ZNF532: variants seen among roughly 807,000 people sequenced by gnomAD.
ZNF532 encodes the protein zinc finger protein 532.
In ZNF532, 22 loss-of-function variants were observed where a neutral mutation model predicts 89.3. That is an observed-to-expected ratio of 0.25 (90% CI 0.18 to 0.35). The LOEUF (loss-of-function observed/expected upper bound fraction) is 0.35, where lower values mean the gene tolerates loss of function less well. Among genes scored for constraint, ZNF532 ranks in the 10% least tolerant of loss-of-function variants. ZNF532 has a pLI of 1.00. For missense variants in ZNF532, 1,132 were observed against 1,643.4 expected (o/e 0.69, Z 5.38); for synonymous variants, 606 against 649.6 (o/e 0.93, Z 1.02).
chr18:58,964,989 T>G (rs890613334), intron 7 of ZNF532, among the ~76,000 whole-genome samples: 2 of 149,138 alleles, frequency 1.3e-5, no homozygotes, highest in African/African-American at 4.9e-5. Context: ...TAATACATAT[T>G]TCTTATACTA....
chr18:58,895,559 A>T (rs1435597547), intron 2 of ZNF532, among the ~76,000 whole-genome samples: 2 of 152,194 alleles, frequency 1.3e-5, no homozygotes, highest in African/African-American at 4.8e-5. Context: ...ACAGTGACGG[A>T]CGGGCCTGCC....
At chr18:58,872,200 T>C (rs2057041725) in intron 2 of ZNF532, among the ~76,000 whole-genome samples, 1 of 151,812 alleles carries the variant, frequency 6.6e-6, no homozygotes, top group Non-Finnish European at 1.5e-5. Context: ...CAAATGCAGA[T>C]TTTGTATTCT....
chr18:58,976,314 C>T (rs914800593), intron 7 of ZNF532, among the ~76,000 whole-genome samples: 1 of 152,110 alleles, frequency 6.6e-6, no homozygotes, highest in African/African-American at 2.4e-5. Flanking sequence ...CTAAGCTGCT[C>T]TTCATTTTTT....
chr18:58,887,297 G>T (rs2058375043), intron 2 of ZNF532, among the ~76,000 whole-genome samples: 1 of 152,240 alleles, frequency 6.6e-6, no homozygotes, highest in African/African-American at 2.4e-5. Flanking sequence ...GCTAACCTGA[G>T]GGCAGTCTTG....
intron 2 of ZNF532, among the ~76,000 whole-genome samples, chr18:58,897,470 A>G (rs1265360468): frequency 1.3e-5 from 2 of 152,230 alleles, no homozygotes; most frequent in Admixed American, 1.3e-4. Flanking sequence ...ATTTTCTGAC[A>G]AATAATAGAA....
intron 3 of ZNF532, among the ~76,000 whole-genome samples, chr18:58,923,259 GACC>G (rs1210922180): frequency 6.6e-6 from 1 of 151,394 alleles, no homozygotes; most frequent in Non-Finnish European, 1.5e-5. Context: ...AGCACTGCAG[GACC>G]AGCAGTGTGA....
chr18:58,873,182 G>A (rs573011707), intron 2 of ZNF532, among the ~76,000 whole-genome samples: 2 of 152,114 alleles, frequency 1.3e-5, no homozygotes, highest in East Asian at 1.9e-4. Flanking sequence ...CACCACGCCC[G>A]GCTAATTTTG....
In ZNF532 at chr18:58,918,774, G is replaced by A. The variant is rs774638320; in HGVS notation, c.487G>A (p.Val163Met). 1.2e-6 allele frequency: 2 copies of A among 1,614,216 alleles called. No homozygotes were observed. The highest frequency in any genetic ancestry group is 1.7e-5 in the Admixed American group (1 of 60,032). ...EDMRSSFRSN[V>M]LTGSAPQQDY... ...CATGCGATCAAGCTTCAGGTCGAAT[G>A]TGTTGACGGGGTCGGCTCCCCAGCA... Residue 163 changes from valine (V) to methionine (M), a missense_variant, in exon 3 of 10, where the codon GTG becomes ATG. Physicochemically the swap from Val to Met is conservative, Grantham distance 21. This residue lies in a region of ZNF532 where 302 missense variants were observed against 319.8 expected (regional missense o/e 0.94). Coordinates refer to ENST00000591808, the MANE Select transcript of ZNF532 (RefSeq NM_001375912.1).
intron 8 of ZNF532, chr18:58,980,301 GATGGGAGATCTGGCCCATA>G (rs1451356438): frequency 6.6e-6 from 1 of 152,206 alleles, no homozygotes; most frequent in Non-Finnish European, 1.5e-5. Flanking sequence ...CCAAGAAGAC[GATGGGAGATCTGGCCCATA>G]ATGCTTCACT....
intron 6 of ZNF532, among the ~76,000 whole-genome samples, chr18:58,951,651 T>TTTTTTTGGTTTTG: frequency 7.1e-6 from 1 of 141,266 alleles, no homozygotes; most frequent in South Asian, 2.4e-4. Context: ...CTGTTGTTTT[T>TTTTTTTGGTTTTG]TTTTTTTTTT....
At position 58,904,364 on chromosome 18, in the gene ZNF532, AAT is replaced by A. The variant is rs200195565; in HGVS notation, c.-17-13905_-17-13904del. Among the ~76,000 whole-genome samples the A allele has an allele frequency of 7.0e-4, 106 of 150,900 alleles. No individual in the cohort carries two copies. In the East Asian group the frequency reaches 0.011, roughly 16 times the overall value. ...GAGACCTTGTCTCAAAAAAAAAAAA[AAT>A]AATGTATATGGTTAAGATGGTAAAT... is the stretch of plus-strand genomic sequence containing the variant. On this transcript the variant is annotated intron_variant, in intron 2 of 9. Coordinates refer to ENST00000591808, the MANE Select transcript of ZNF532 (RefSeq NM_001375912.1).
intron 2 of ZNF532, among the ~76,000 whole-genome samples, chr18:58,870,302 G>T (rs1343064267): frequency 6.6e-6 from 1 of 152,136 alleles, no homozygotes; most frequent in African/African-American, 2.4e-5. Flanking sequence ...TCTAGTGGAA[G>T]GAGCCCCCAG....
chr18:58,912,914 G>A (rs561356395), intron 2 of ZNF532, among the ~76,000 whole-genome samples: 367 of 152,056 alleles, frequency 2.4e-3, no homozygotes, highest in Middle Eastern at 6.8e-3. Flanking sequence ...CCAGAGGCGC[G>A]GCTGATCAAA....
intron 3 of ZNF532, among the ~76,000 whole-genome samples, chr18:58,925,718 C>T (rs1294535032): frequency 1.3e-5 from 2 of 152,054 alleles, no homozygotes; most frequent in Non-Finnish European, 1.5e-5. Flanking sequence ...TGTTTTTTTC[C>T]TCAACGTTTT....
intron 7 of ZNF532, among the ~76,000 whole-genome samples, chr18:58,957,406 C>CATACATATAT (rs1225813265): frequency 1.4e-5 from 2 of 138,912 alleles, no homozygotes; most frequent in African/African-American, 5.3e-5. Context: ...ACTTAAAATA[C>CATACATATAT]ATATATATAT....
intron 6 of ZNF532, among the ~76,000 whole-genome samples, chr18:58,951,074 GC>G (rs529430391): frequency 1.5e-3 from 233 of 151,976 alleles, no homozygotes; most frequent in Non-Finnish European, 2.8e-3. Flanking sequence ...TCCAACCTCA[GC>G]CCCCCGAATA....
chr18:58,962,183 G>A (rs577131586), intron 7 of ZNF532, among the ~76,000 whole-genome samples: 8 of 151,534 alleles, frequency 5.3e-5, no homozygotes, highest in Non-Finnish European at 8.8e-5. Context: ...CCGAGATTAC[G>A]CCACTGCGCT....
chr18:58,910,517 AG>A (rs1475030163), intron 2 of ZNF532, among the ~76,000 whole-genome samples: 1 of 151,856 alleles, frequency 6.6e-6, no homozygotes, highest in Non-Finnish European at 1.5e-5. Flanking sequence ...CTCAGGCTGG[AG>A]TACAGTGGCG....
At chr18:58,933,867 T>G (rs1216372957) in intron 3 of ZNF532, among the ~76,000 whole-genome samples, 3 of 152,214 alleles carry the variant, frequency 2.0e-5, no homozygotes, top group Non-Finnish European at 2.9e-5. Context: ...GTTTTAATTA[T>G]AAATTATATC....
Sources: gnomAD v4.1 joint callset for allele counts (sites outside exome capture counted in the v4.1 genomes callset) on GRCh38, gnomAD v4.1.1 for gene constraint, gnomAD v4.1.1 regional missense constraint, MANE v1.5 for transcripts, NCBI Gene and HGNC (gene_info 2026-07-23, HGNC 2026-07-21) for gene names.